Variants in SGCD observed in about 807,000 individuals in gnomAD.
SGCD encodes delta-sarcoglycan.
SGCD carries 18 observed loss-of-function variants against 36.6 expected under a neutral mutation model. The ratio of observed to expected loss-of-function variants is 0.49; its 90% CI spans 0.34 to 0.73. The LOEUF is 0.73. SGCD is among the 30% of genes least tolerant of loss of function. The pLI, the probability that SGCD is intolerant of heterozygous loss-of-function variation, is 0.01. For missense variants in SGCD, 387 were observed against 346.7 expected, an observed-to-expected ratio of 1.12 and a Z score of -0.92; for synonymous variants, 133 against 130.6, an observed-to-expected ratio of 1.02 and a Z score of -0.12.
At chr5:155,806,755 A>G in the SGCD span, among the ~76,000 whole-genome samples, 2,641 of 152,316 alleles carry the variant, frequency 0.017, 83 homozygotes, top group African/African-American at 0.059. Context: ...CAGAAAAGAC[A>G]GCAATGAAAT....
At chr5:156,637,622 A>G (rs1428657795) in intron 6 of SGCD, among the ~76,000 whole-genome samples, 1 of 152,152 alleles carries the variant, frequency 6.6e-6, no homozygotes. Context: ...CCCTAGCTTC[A>G]AGGGAGTCTG....
intron 3 of SGCD, among the ~76,000 whole-genome samples, chr5:156,441,005 G>A (rs1362221439): frequency 1.3e-5 from 2 of 151,976 alleles, no homozygotes; most frequent in South Asian, 2.1e-4. Flanking sequence ...TGTGCTTTTG[G>A]TGTCATATCT....
intron 6 of SGCD, among the ~76,000 whole-genome samples, chr5:156,638,752 C>T (rs916228297): frequency 3.9e-5 from 6 of 152,016 alleles, no homozygotes; most frequent in South Asian, 4.1e-4. Context: ...GCATGAGTTC[C>T]GGTCTATTGG....
chr5:156,310,459 C>T (rs1767362532), intron 3 of SGCD, among the ~76,000 whole-genome samples: 1 of 152,206 alleles, frequency 6.6e-6, no homozygotes. Context: ...ACTCCATGAA[C>T]ATCCCGCCAG....
chr5:155,773,895 G>A, the SGCD span, among the ~76,000 whole-genome samples: 64 of 152,222 alleles, frequency 4.2e-4, no homozygotes, highest in African/African-American at 1.5e-3. Flanking sequence ...GGATGTGGGT[G>A]GAGACCTGAG....
chr5:156,075,557 T>C (rs1760753772), intron 1 of SGCD, among the ~76,000 whole-genome samples: 1 of 152,178 alleles, frequency 6.6e-6, no homozygotes, highest in African/African-American at 2.4e-5. Flanking sequence ...TCAATCTGTA[T>C]AAAGGTTGTT....
rs189240487 is a variant in SGCD at position 156,495,942 on chromosome 5, G to A, written c.193-12659G>A. Among the ~76,000 whole-genome samples, 236 of 152,242 alleles carry A rather than the reference G, an allele frequency of 1.6e-3. 1 individual carries two copies. Among genetic ancestry groups the A allele is most frequent in the Non-Finnish European group, 2.4e-3 (162 of 67,994 alleles). On this transcript the variant is annotated intron_variant, in intron 3 of 8. Transcript: ENST00000337851. ...TGTTTCAGAACAATGTGCTGGCATTGGTTTTTATCCCTAAGTCCTTTCTGA... is the reference window on the plus strand; with the variant it reads ...TGTTTCAGAACAATGTGCTGGCATTAGTTTTTATCCCTAAGTCCTTTCTGA...
intron 3 of SGCD, among the ~76,000 whole-genome samples, chr5:156,458,879 T>A (rs900850157): frequency 6.6e-6 from 1 of 152,186 alleles, no homozygotes; most frequent in Non-Finnish European, 1.5e-5. Flanking sequence ...TTCTTTTCCC[T>A]CAAAACTTGA....
At chr5:156,405,102 T>C (rs1193138402) in intron 3 of SGCD, among the ~76,000 whole-genome samples, 1 of 152,170 alleles carries the variant, frequency 6.6e-6, no homozygotes, top group African/African-American at 2.4e-5. Context: ...AGAGTGGACA[T>C]GTGAAAAGAC....
intron 7 of SGCD, among the ~76,000 whole-genome samples, chr5:156,726,460 C>T (rs894841181): frequency 6.6e-6 from 1 of 152,212 alleles, no homozygotes; most frequent in African/African-American, 2.4e-5. Context: ...TATCCTGAAG[C>T]CAGATGGTCT....
intron 7 of SGCD, chr5:156,739,868 G>A (rs2113073062): frequency 6.6e-6 from 1 of 152,220 alleles, no homozygotes; most frequent in Non-Finnish European, 1.5e-5. Flanking sequence ...GCCACAAATG[G>A]AACTGGTACT....
chr5:155,887,524 G>A (rs1169676525), intron 1 of SGCD, among the ~76,000 whole-genome samples: 1 of 150,682 alleles, frequency 6.6e-6, no homozygotes, highest in Non-Finnish European at 1.5e-5. Context: ...CTCTGGAAGT[G>A]CCTGTGTTTC....
At chr5:155,751,397 A>G in the SGCD span, among the ~76,000 whole-genome samples, 2 of 151,940 alleles carry the variant, frequency 1.3e-5, no homozygotes, top group Non-Finnish European at 2.9e-5. Context: ...CATAGATTTT[A>G]TTTTCTTCTT....
At chr5:156,531,529 T>G (rs183602933) in intron 4 of SGCD, among the ~76,000 whole-genome samples, 17 of 152,262 alleles carry the variant, frequency 1.1e-4, no homozygotes, top group Admixed American at 6.5e-4. Context: ...GTAAAGACAC[T>G]GGAAAGTCTT....
At chr5:156,377,032 A>C (rs1022984018) in intron 3 of SGCD, among the ~76,000 whole-genome samples, 11 of 152,162 alleles carry the variant, frequency 7.2e-5, no homozygotes, top group Non-Finnish European at 1.0e-4. Context: ...ATAAGATATA[A>C]ATATCTTGAA....
the SGCD span, among the ~76,000 whole-genome samples, chr5:155,790,203 T>G: frequency 6.6e-6 from 1 of 152,064 alleles, no homozygotes. Context: ...GGTCTTCTGT[T>G]GTTAATAAGA....
At chr5:155,866,774 G>T (rs1319158415), upstream of SGCD, among the ~76,000 whole-genome samples, 2 of 152,096 alleles carry the variant, frequency 1.3e-5, no homozygotes, top group African/African-American at 4.8e-5. Context: ...AAAAAGACAG[G>T]ACTCTAACTC....
At chr5:155,922,463 A>T (rs1756897695) in intron 1 of SGCD, among the ~76,000 whole-genome samples, 1 of 152,224 alleles carries the variant, frequency 6.6e-6, no homozygotes, top group South Asian at 2.1e-4. Flanking sequence ...CAGCAACAGG[A>T]TAAACATGAA....
chr5:156,653,493 C>CTTTGTTTTTTTTTTTTTTTTT (rs1763545418), intron 7 of SGCD, among the ~76,000 whole-genome samples: 1 of 48,082 alleles, frequency 2.1e-5, no homozygotes, highest in Non-Finnish European at 4.0e-5. Context: ...CTAAAGCTTG[C>CTTTGTTTTTTTTTTTTTTTTT]TTTTTTTTTT....
Sources: gnomAD v4.1 joint callset for allele counts (sites outside exome capture counted in the v4.1 genomes callset) on GRCh38, gnomAD v4.1.1 for gene constraint, MANE v1.5 for transcripts, NCBI Gene and HGNC (gene_info 2026-07-23, HGNC 2026-07-21) for gene names.